The following EYS variants were observed in gnomAD, a reference collection of about 807,000 sequenced individuals.
The protein encoded by EYS is protein eyes shut homolog.
A neutral mutation model predicts 282.1 loss-of-function variants in EYS; 250 were observed. That is an observed-to-expected ratio of 0.89 (90% CI 0.80 to 0.98). EYS has a LOEUF of 0.98. EYS is among the 50% of genes least tolerant of loss of function. The probability of loss-of-function intolerance (pLI) is 0.00; values close to 1 mark genes in which losing one functional copy is unlikely to be tolerated. For missense variants in EYS, 4,016 were observed against 3,709.0 expected, an observed-to-expected ratio of 1.08 and a Z score of -2.15; for synonymous variants, 1,355 against 1,282.9, an observed-to-expected ratio of 1.06 and a Z score of -1.20.
intron 30 of EYS, among the ~76,000 whole-genome samples, chr6:64,293,651 T>C (rs1582547373): frequency 6.6e-6 from 1 of 152,276 alleles, no homozygotes; most frequent in Admixed American, 6.5e-5. Flanking sequence ...ATGCTATGTT[T>C]CTTGTAGTTA....
intron 8 of EYS, among the ~76,000 whole-genome samples, chr6:65,367,651 G>A (rs1466912): frequency 0.21 from 32,181 of 151,270 alleles, 4,015 homozygotes; most frequent in Middle Eastern, 0.27. Context: ...TACAAGATAA[G>A]CTTGCAACTC....
intron 35 of EYS, among the ~76,000 whole-genome samples, chr6:63,940,818 T>C (rs1045265222): frequency 6.7e-6 from 1 of 149,716 alleles, no homozygotes; most frequent in Non-Finnish European, 1.5e-5. Flanking sequence ...TTTTTCTTAA[T>C]ACTATCCCTC....
chr6:65,253,786 T>C (rs1303423911), intron 12 of EYS, among the ~76,000 whole-genome samples: 3 of 151,854 alleles, frequency 2.0e-5, no homozygotes, highest in African/African-American at 7.2e-5. Context: ...ACAGTATACA[T>C]GGATATAAGA....
At chr6:64,030,553 G>A (rs1206778964) in intron 33 of EYS, among the ~76,000 whole-genome samples, 1 of 150,972 alleles carries the variant, frequency 6.6e-6, no homozygotes, top group Non-Finnish European at 1.5e-5. Context: ...ACACTAACCA[G>A]TCGGGGATAG....
chr6:65,257,852 G>A (rs1185359081), intron 12 of EYS, among the ~76,000 whole-genome samples: 2 of 151,956 alleles, frequency 1.3e-5, no homozygotes, highest in Non-Finnish European at 2.9e-5. Context: ...GCTGGAAAGG[G>A]TTGCAGGGAA....
At chr6:65,369,896 C>T (rs9351490) in intron 8 of EYS, among the ~76,000 whole-genome samples, 32,255 of 151,452 alleles carry the variant, frequency 0.21, 4,056 homozygotes, top group Non-Finnish European at 0.27. Context: ...AAGATGTCTG[C>T]GACTCTCAGC....
chr6:65,562,316 C>T (rs921687161), intron 2 of EYS, among the ~76,000 whole-genome samples: 8 of 151,948 alleles, frequency 5.3e-5, no homozygotes, highest in Admixed American at 1.3e-4. Context: ...TAGCAGGGTA[C>T]ATATCACCCA....
intron 31 of EYS, among the ~76,000 whole-genome samples, chr6:64,195,604 ATTAC>A (rs1055487314): frequency 2.6e-5 from 4 of 152,064 alleles, no homozygotes; most frequent in Non-Finnish European, 5.9e-5. Flanking sequence ...CAGCTTTTTT[ATTAC>A]TTTTTGTTGA....
chr6:64,232,731 A>G (rs1194025391), intron 30 of EYS, among the ~76,000 whole-genome samples: 1 of 152,110 alleles, frequency 6.6e-6, no homozygotes, highest in Non-Finnish European at 1.5e-5. Flanking sequence ...CAGTGAAATA[A>G]TTTTGTCACC....
chr6:64,079,709 C>T lies in EYS; in HGVS notation c.6571+2147G>A, dbSNP rs545048887. Among the ~76,000 whole-genome samples the T allele has an allele frequency of 1.1e-4, 16 of 152,208 alleles. No individual in the cohort carries two copies. The South Asian group carries it at 2.9e-3, about 28-fold the overall frequency. On this transcript the variant is annotated intron_variant, in intron 32 of 42. Coordinates refer to ENST00000503581, the MANE Select transcript of EYS (RefSeq NM_001142800.2). ...TTTACATTAGGTATATCTCCTAATG[C>T]TATCGCTCCCCGCTCCCCTGATACC...
intron 2 of EYS, among the ~76,000 whole-genome samples, chr6:65,547,320 C>A (rs1261795146): frequency 6.6e-6 from 1 of 151,626 alleles, no homozygotes; most frequent in African/African-American, 2.4e-5. Context: ...ACTATATAAG[C>A]CCTCTTCTAA....
intron 8 of EYS, among the ~76,000 whole-genome samples, chr6:65,355,191 G>A (rs1375421980): frequency 3.9e-5 from 6 of 151,972 alleles, no homozygotes; most frequent in Non-Finnish European, 8.8e-5. Context: ...CAAAACAATA[G>A]ACAGTTTTTA....
chr6:64,952,150 ACAT>A (rs950919573), intron 14 of EYS, among the ~76,000 whole-genome samples: 6 of 151,996 alleles, frequency 3.9e-5, no homozygotes, highest in Admixed American at 2.6e-4. Context: ...CAGTGAGCCA[ACAT>A]CATAATGGAG....
intron 19 of EYS, among the ~76,000 whole-genome samples, chr6:64,839,882 C>T (rs1765510051): frequency 6.6e-6 from 1 of 151,998 alleles, no homozygotes; most frequent in African/African-American, 2.4e-5. Flanking sequence ...GAAGAGCCCT[C>T]ATGATTTAAT....
intron 26 of EYS, among the ~76,000 whole-genome samples, chr6:64,546,195 C>T (rs1254152068): frequency 3.9e-5 from 6 of 152,074 alleles, no homozygotes; most frequent in African/African-American, 1.2e-4. Context: ...TGGAACAGAA[C>T]AGAGCCCTCA....
intron 33 of EYS, among the ~76,000 whole-genome samples, chr6:64,054,454 A>C (rs1770915554): frequency 6.6e-6 from 1 of 152,258 alleles, no homozygotes; most frequent in East Asian, 1.9e-4. Flanking sequence ...TGGCAAGCCC[A>C]TGAGACTTGG....
At chr6:65,013,951 TG>T (rs1771961683) in intron 13 of EYS, among the ~76,000 whole-genome samples, 1 of 152,176 alleles carries the variant, frequency 6.6e-6, no homozygotes, top group African/African-American at 2.4e-5. Context: ...GAAAAGATTG[TG>T]GATATAATTA....
chr6:64,021,343 G>T (rs1769182456), intron 33 of EYS, among the ~76,000 whole-genome samples: 1 of 151,634 alleles, frequency 6.6e-6, no homozygotes, highest in Non-Finnish European at 1.5e-5. Context: ...GCTTCCTGGG[G>T]TACATTTGAC....
intron 11 of EYS, among the ~76,000 whole-genome samples, chr6:65,323,995 T>C (rs1289114128): frequency 6.6e-6 from 1 of 152,246 alleles, no homozygotes; most frequent in African/African-American, 2.4e-5. Flanking sequence ...CTGAACTCAG[T>C]GCTGCCATTC....
Sources: allele counts gnomAD v4.1 joint callset (sites outside exome capture counted in the v4.1 genomes callset), GRCh38; gene constraint gnomAD v4.1.1; transcripts MANE v1.5; gene names NCBI Gene and HGNC (gene_info 2026-07-23, HGNC 2026-07-21).